The following SLIT3 variants were observed in gnomAD, a reference collection of about 807,000 sequenced individuals.
SLIT3 encodes the protein slit homolog 3 protein.
A neutral mutation model predicts 184.0 loss-of-function variants in SLIT3; 68 were observed. The ratio of observed to expected loss-of-function variants is 0.37; its 90% CI spans 0.30 to 0.45. The LOEUF is 0.45. SLIT3 is among the 20% of genes least tolerant of loss of function. SLIT3 has a pLI of 1.00. For missense variants in SLIT3, 1,707 were observed against 2,026.0 expected (o/e 0.84, Z 3.02); for synonymous variants, 831 against 828.6 (o/e 1.00, Z -0.05).
intron 4 of SLIT3, among the ~76,000 whole-genome samples, chr5:168,965,553 GT>G (rs1231616215): frequency 2.6e-5 from 4 of 152,174 alleles, no homozygotes; most frequent in African/African-American, 9.7e-5. Context: ...GAAAATATGA[GT>G]TCTGCCTACT....
chr5:169,137,311 C>T (rs1270221016), intron 4 of SLIT3, among the ~76,000 whole-genome samples: 2 of 117,866 alleles, frequency 1.7e-5, no homozygotes, highest in African/African-American at 4.1e-5. Context: ...TACATACACA[C>T]ACACACACAC....
intron 2 of SLIT3, among the ~76,000 whole-genome samples, chr5:169,245,723 T>C (rs1397416609): frequency 6.6e-6 from 1 of 152,182 alleles, no homozygotes; most frequent in East Asian, 1.9e-4. Context: ...AAATGGCAGA[T>C]GGAGAGGAAG....
intron 3 of SLIT3, among the ~76,000 whole-genome samples, chr5:169,226,417 G>A (rs753893019): frequency 1.3e-5 from 2 of 152,110 alleles, no homozygotes; most frequent in African/African-American, 2.4e-5. Context: ...ACTCAGTCCA[G>A]TCACAAAACA....
chr5:169,127,232 T>C (rs1389112736), intron 4 of SLIT3, among the ~76,000 whole-genome samples: 1 of 152,230 alleles, frequency 6.6e-6, no homozygotes, highest in African/African-American at 2.4e-5. Context: ...TCAAGGGCTT[T>C]ACTCTCCAAT....
chr5:169,123,867 G>C (rs1760979065), intron 4 of SLIT3, among the ~76,000 whole-genome samples: 1 of 152,000 alleles, frequency 6.6e-6, no homozygotes, highest in African/African-American at 2.4e-5. Flanking sequence ...TGTTCTAGGG[G>C]GCCAAAAAAC....
intron 8 of SLIT3, among the ~76,000 whole-genome samples, chr5:168,813,570 C>T (rs1038131855): frequency 6.6e-5 from 10 of 152,170 alleles, no homozygotes; most frequent in Non-Finnish European, 1.0e-4. Context: ...AGCTCTATTT[C>T]CCCACCCTTG....
intron 16 of SLIT3, among the ~76,000 whole-genome samples, chr5:168,756,347 C>T (rs1754946507): frequency 6.6e-6 from 1 of 152,236 alleles, no homozygotes; most frequent in African/African-American, 2.4e-5. Context: ...TCAATGCAGG[C>T]TGACTGCCCT....
intron 4 of SLIT3, among the ~76,000 whole-genome samples, chr5:169,070,912 T>C (rs1235897689): frequency 6.6e-6 from 1 of 152,202 alleles, no homozygotes; most frequent in East Asian, 1.9e-4. Context: ...TGAGCCACTT[T>C]AACCGTCATC....
chr5:169,089,551 C>A (rs1302772892), intron 4 of SLIT3, among the ~76,000 whole-genome samples: 1 of 152,196 alleles, frequency 6.6e-6, no homozygotes, highest in Non-Finnish European at 1.5e-5. Context: ...AAACCCAAAT[C>A]CCGTGCACTC....
rs778224960 is a variant in SLIT3 at position 168,671,224 on chromosome 5, C to T, written c.4101G>A (p.Glu1367=). The change falls in exon 34 of 36, where the codon GAG becomes GAA. Residue 1367 remains glutamate (E), a synonymous_variant. Transcript: ENST00000519560. ...TGTGGCCGAGGCAGGGGTCCCGGGC[C>T]TCCTGATCGCAGAGTGGGCCGGTCC... ...PGWTGPLCDQ[E]ARDPCLGHRC... is the part of the protein sequence containing the mutation. The T allele has an allele frequency of 6.2e-7, 1 of 1,610,608 alleles. No individual in the cohort carries two copies. The highest frequency in any genetic ancestry group is 8.5e-7 in the Non-Finnish European group (1 of 1,177,938).
intron 19 of SLIT3, 42 bp from the exon 20 acceptor site, chr5:168,748,476 G>A (rs1754581088): frequency 2.0e-6 from 3 of 1,497,686 alleles, no homozygotes; most frequent in East Asian, 2.7e-5. Flanking sequence ...TGGGAGATAA[G>A]CCCCACTAGG....
At chr5:168,842,579 G>A (rs1758307889) in intron 6 of SLIT3, among the ~76,000 whole-genome samples, 1 of 150,696 alleles carries the variant, frequency 6.6e-6, no homozygotes, top group African/African-American at 2.5e-5. Flanking sequence ...GAAAGTGGAA[G>A]GGATGGCAGT....
chr5:168,695,483 T>C (rs945108672), intron 28 of SLIT3, among the ~76,000 whole-genome samples: 5 of 152,200 alleles, frequency 3.3e-5, no homozygotes, highest in Non-Finnish European at 5.9e-5. Flanking sequence ...ATGCAGTGCT[T>C]CCCAAACTTC....
At chr5:168,866,269 G>A (rs887091800) in intron 5 of SLIT3, among the ~76,000 whole-genome samples, 1 of 152,236 alleles carries the variant, frequency 6.6e-6, no homozygotes, top group African/African-American at 2.4e-5. Flanking sequence ...AAGAGAACCA[G>A]AGGTCCTTTA....
chr5:168,778,634 T>C (rs990466871), intron 12 of SLIT3, among the ~76,000 whole-genome samples: 6 of 152,196 alleles, frequency 3.9e-5, no homozygotes, highest in African/African-American at 1.4e-4. Flanking sequence ...GCTTCCCCCT[T>C]CAGGATCACT....
At chr5:169,043,571 A>C (rs574205374) in intron 4 of SLIT3, among the ~76,000 whole-genome samples, 13 of 152,236 alleles carry the variant, frequency 8.5e-5, no homozygotes, top group Non-Finnish European at 8.8e-5. Flanking sequence ...CTCTCTTTTG[A>C]AAACACTTTA....
At chr5:169,298,883 T>G (rs1767594659) in intron 1 of SLIT3, among the ~76,000 whole-genome samples, 1 of 152,228 alleles carries the variant, frequency 6.6e-6, no homozygotes, top group African/African-American at 2.4e-5. Flanking sequence ...AATCAAGGCA[T>G]GAAAAGCATT....
At chr5:169,175,577 G>T (rs541867185) in intron 4 of SLIT3, among the ~76,000 whole-genome samples, 8 of 152,168 alleles carry the variant, frequency 5.3e-5, no homozygotes, top group Non-Finnish European at 1.2e-4. Flanking sequence ...CTTTGTAAGC[G>T]TTCAACAAAT....
intron 4 of SLIT3, among the ~76,000 whole-genome samples, chr5:169,035,764 C>T (rs879549421): frequency 6.6e-6 from 1 of 151,996 alleles, no homozygotes; most frequent in Non-Finnish European, 1.5e-5. Flanking sequence ...GAGGTACAGT[C>T]ACTTGCCCAA....
Sources: allele counts gnomAD v4.1 joint callset (sites outside exome capture counted in the v4.1 genomes callset), GRCh38; gene constraint gnomAD v4.1.1; transcripts MANE v1.5; gene names NCBI Gene and HGNC (gene_info 2026-07-23, HGNC 2026-07-21).